Variants in KCNG2 observed in about 807,000 individuals in gnomAD.
The protein encoded by KCNG2 is potassium voltage-gated channel modifier subfamily G member 2.
In KCNG2, 7 loss-of-function variants were observed where a neutral mutation model predicts 12.3. The observed-to-expected ratio is 0.57, with a 90% CI of 0.32 to 1.07. The LOEUF is 1.07. KCNG2 is among the 50% of genes least tolerant of loss of function. The pLI is 0.04. For synonymous variants in KCNG2, 414 were observed against 351.4 expected, an observed-to-expected ratio of 1.18 and a Z score of -1.99; for missense variants, 703 against 726.0, an observed-to-expected ratio of 0.97 and a Z score of 0.36.
At chr18:79,871,706 A>G (rs1979838315) in intron 3 of KCNG2, among the ~76,000 whole-genome samples, 1 of 152,162 alleles carries the variant, frequency 6.6e-6, no homozygotes, top group East Asian at 1.9e-4. Context: ...GCGGCCCCCT[A>G]TGACGCCTTG....
intron 1 of KCNG2, among the ~76,000 whole-genome samples, chr18:79,850,920 G>A (rs1016239796): frequency 1.3e-5 from 2 of 152,160 alleles, no homozygotes; most frequent in African/African-American, 2.4e-5. Context: ...CAGAGTGGAC[G>A]GGGCCTGCGG....
intron 3 of KCNG2, among the ~76,000 whole-genome samples, chr18:79,897,176 TC>T (rs1222739998): frequency 6.6e-6 from 1 of 152,070 alleles, no homozygotes; most frequent in African/African-American, 2.4e-5. Context: ...TCTTTTCCCT[TC>T]TCTCCTCTCC....
rs560324530 is a variant in KCNG2 at position 79,864,122 on chromosome 18, C to T, written c.455C>T (p.Pro152Leu). The T allele has an allele frequency of 1.6e-6, 2 of 1,254,066 alleles. No homozygotes were observed. Among genetic ancestry groups the T allele is most frequent in the South Asian group, 1.9e-5 (1 of 52,590 alleles). 77.7% of individuals were successfully genotyped at this position (1,254,066 alleles called of 1,614,324 possible). ...GGGAGCCCGGCGCGCGCCCTGGGAC[C>T]TCGGGGGCGGCTGCAGCGCGGCCGG... Reference protein sequence around the residue: ...AQGSPARALGPRGRLQRGRRR... With the variant: ...AQGSPARALGLRGRLQRGRRR... The change falls in exon 3 of 4, where the codon CCT (proline) becomes CTT (leucine). Residue 152 changes from proline (P) to leucine (L), a missense_variant. Pro to Leu is a moderately conservative substitution (Grantham distance 98, BLOSUM62 -3). Transcript: ENST00000316249.
chr18:79,809,660 C>G (rs996982781), intron 1 of KCNG2, among the ~76,000 whole-genome samples: 2 of 152,240 alleles, frequency 1.3e-5, no homozygotes, highest in Non-Finnish European at 2.9e-5. Context: ...GACCACACCA[C>G]GTTCCGGGTG....
chr18:79,816,394 C>T (rs1426644916), intron 1 of KCNG2: 1 of 152,494 alleles, frequency 6.6e-6, no homozygotes, highest in African/African-American at 2.4e-5. Flanking sequence ...CCTCCCCTCC[C>T]CTCCCCTCCC....
chr18:79,863,711 G>A lies in KCNG2; in HGVS notation c.44G>A (p.Arg15His), dbSNP rs184733873. 996 of 1,198,616 alleles carry A rather than the reference G, an allele frequency of 8.3e-4. 10 individuals are homozygous for A. In the East Asian group the frequency reaches 0.029, roughly 35 times the overall value. 74.2% of individuals were successfully genotyped at this position (1,198,616 alleles called of 1,614,324 possible). The change falls in exon 3 of 4, where the codon CGC becomes CAC. Residue 15 changes from arginine to histidine, a missense_variant. Arg to His is a conservative substitution (Grantham distance 29). Transcript: ENST00000316249. ...PCSPGGGGGT[R>H]ARHVIINVGG... ...TCCCCGGGCGGCGGCGGCGGGACCC[G>A]CGCCCGGCACGTCATCATCAACGTG...
Position 79,840,374 on chromosome 18 carries a change from A to C in KCNG2, c.-114-16005A>C, listed in dbSNP as rs189875495. On this transcript the variant is annotated intron_variant, in intron 1 of 3. Coordinates refer to ENST00000316249, the MANE Select transcript of KCNG2 (RefSeq NM_012283.2). ...ATATAATACCCTTTACAATTGTTCAACAAAATGAAATACTTAGGTATGAGT... is the reference window on the plus strand; with the variant it reads ...ATATAATACCCTTTACAATTGTTCACCAAAATGAAATACTTAGGTATGAGT... 3.0e-4 allele frequency among the ~76,000 whole-genome samples: 46 copies of C among 152,358 alleles called. No homozygotes were observed. The East Asian group carries it at 4.2e-3, about 14-fold the overall frequency.
At chr18:79,854,999 G>GT (rs1978960542) in intron 1 of KCNG2, among the ~76,000 whole-genome samples, 1 of 151,976 alleles carries the variant, frequency 6.6e-6, no homozygotes, top group Non-Finnish European at 1.5e-5. Context: ...TTCTAGTTTT[G>GT]TTTCTTATTT....
At chr18:79,819,038 C>G (rs67999204) in intron 1 of KCNG2, among the ~76,000 whole-genome samples, 23,193 of 152,242 alleles carry the variant, frequency 0.15, 2,238 homozygotes, top group East Asian at 0.36. Context: ...AAACAGACAT[C>G]TAAGAATAGC....
In KCNG2 at chr18:79,803,722, C is replaced by T. The variant is rs993986425; in HGVS notation, c.-115+5708C>T. ...GGAGCCTGCCCTCCTGTCCAGGAGC[C>T]CTCACAGCTCAGCCGGGGCCCTCCT... On this transcript the variant is annotated intron_variant, in intron 1 of 3. Coordinates refer to ENST00000316249, the MANE Select transcript of KCNG2 (RefSeq NM_012283.2). This position sits in a 1 kb window ranked among gnomAD's most constrained non-coding sequence, Gnocchi z 4.5. Among the ~76,000 whole-genome samples, 1 of 152,234 alleles carries T rather than the reference C, an allele frequency of 6.6e-6. No individual in the cohort carries two copies. The highest frequency in any genetic ancestry group is 2.4e-5 in the African/African-American group (1 of 41,460).
At chr18:79,862,848 C>A (rs933207869) in intron 2 of KCNG2, among the ~76,000 whole-genome samples, 1 of 152,318 alleles carries the variant, frequency 6.6e-6, no homozygotes, top group East Asian at 1.9e-4. Flanking sequence ...CAGTCTTCCA[C>A]GGAGTCAAAG....
At chr18:79,851,790 C>T (rs1978833168) in intron 1 of KCNG2, among the ~76,000 whole-genome samples, 3 of 151,330 alleles carry the variant, frequency 2.0e-5, no homozygotes, top group African/African-American at 4.9e-5. Flanking sequence ...TGTGAATGTG[C>T]ATTGTGTGAA....
intron 1 of KCNG2, among the ~76,000 whole-genome samples, chr18:79,819,503 A>G (rs1420156718): frequency 6.6e-6 from 1 of 152,220 alleles, no homozygotes; most frequent in Non-Finnish European, 1.5e-5. Flanking sequence ...GCTGGCACTC[A>G]GTGTCCCTTC....
intron 3 of KCNG2, among the ~76,000 whole-genome samples, chr18:79,871,441 C>T (rs549341844): frequency 3.9e-5 from 6 of 152,204 alleles, no homozygotes; most frequent in Non-Finnish European, 8.8e-5. Context: ...GAGCTGATTT[C>T]TTCAGAAAGA....
chr18:79,888,523 G>A (rs184845044), intron 3 of KCNG2, among the ~76,000 whole-genome samples: 305 of 142,352 alleles, frequency 2.1e-3, no homozygotes, highest in African/African-American at 8.2e-3. Context: ...CCGGGACGGC[G>A]GCGTCCTCCT....
chr18:79,804,940 A>C (rs1016281737), intron 1 of KCNG2, among the ~76,000 whole-genome samples: 8 of 152,232 alleles, frequency 5.3e-5, no homozygotes, highest in African/African-American at 1.9e-4. Context: ...TATTTATAGA[A>C]TGACCACACA....
In KCNG2 at chr18:79,803,756, C is replaced by T. The variant is rs928931854; in HGVS notation, c.-115+5742C>T. On this transcript the variant is annotated intron_variant, in intron 1 of 3. Coordinates refer to ENST00000316249, the MANE Select transcript of KCNG2 (RefSeq NM_012283.2). The surrounding 1 kb of genome is among the most constrained non-coding windows in gnomAD (Gnocchi z 4.5). ...TCAGCCGGGGCCCTCCTGCGTCTCC[C>T]GACCACAGGCCCCAGTCCCGGCCAA... 1.1e-4 allele frequency among the ~76,000 whole-genome samples: 16 copies of T among 152,320 alleles called. No homozygotes were observed. The highest frequency in any genetic ancestry group is 3.1e-4 in the African/African-American group (13 of 41,578).
chr18:79,814,761 G>T (rs1421644153), intron 1 of KCNG2, among the ~76,000 whole-genome samples: 4 of 152,122 alleles, frequency 2.6e-5, no homozygotes, highest in African/African-American at 9.7e-5. Context: ...AATCTCAAAA[G>T]GTTTAATTCT....
At chr18:79,802,357 G>A (rs1452184009) in intron 1 of KCNG2, among the ~76,000 whole-genome samples, 1 of 152,196 alleles carries the variant, frequency 6.6e-6, no homozygotes, top group Non-Finnish European at 1.5e-5. Context: ...GTGCCGCTCC[G>A]GTCCGGAGAG....
Sources: gnomAD v4.1 joint callset for allele counts (sites outside exome capture counted in the v4.1 genomes callset) on GRCh38, gnomAD v4.1.1 for gene constraint, Gnocchi (gnomAD v3.1) non-coding constraint, MANE v1.5 for transcripts, NCBI Gene and HGNC (gene_info 2026-07-23, HGNC 2026-07-21) for gene names.